The following GPR89A variants were observed in gnomAD, a reference collection of about 807,000 sequenced individuals.
GPR89A encodes G protein-coupled receptor 89A.
GPR89A carries 16 observed loss-of-function variants against 52.0 expected under a neutral mutation model. That is an observed-to-expected ratio of 0.31 (90% CI 0.21 to 0.47). The LOEUF is 0.47. Ranked by LOEUF, GPR89A falls within the 20% of genes least tolerant of loss-of-function variation. The probability of loss-of-function intolerance (pLI) is 1.00; values close to 1 mark genes in which losing one functional copy is unlikely to be tolerated. For missense variants in GPR89A, 135 were observed against 449.4 expected (o/e 0.30, Z 6.33); for synonymous variants, 55 against 150.9 (o/e 0.36, Z 4.66).
chr1:145,610,445 G>C (rs587735163), intron 1 of GPR89A, among the ~76,000 whole-genome samples: 64 of 152,088 alleles, frequency 4.2e-4, no homozygotes, highest in African/African-American at 1.1e-3. Flanking sequence ...CTAACCTGGC[G>C]ATGCTATGGT....
At chr1:145,645,595 C>T (rs1341970797) in intron 8 of GPR89A, 1 of 453,788 alleles carries the variant, frequency 2.2e-6, no homozygotes, top group Non-Finnish European at 4.4e-6. Flanking sequence ...TTTGACTTTG[C>T]ATCTCTATCA....
rs150040960 is a variant in GPR89A at position 145,638,536 on chromosome 1, A to G, written c.618-5333A>G. Reference sequence around the variant, plus strand: ...AAAAATAGTAAATATTTTTTTAAAAAAATATTGAAGAAAACTCAACAAAAG... The same window carrying G: ...AAAAATAGTAAATATTTTTTTAAAAGAATATTGAAGAAAACTCAACAAAAG... On this transcript the variant is annotated intron_variant, in intron 7 of 13. Transcript: ENST00000313835. Among the ~76,000 whole-genome samples, 529 of 146,990 alleles carry G rather than the reference A, an allele frequency of 3.6e-3. 46 individuals carry two copies. The highest frequency in any genetic ancestry group is 0.014 in the African/African-American group (510 of 37,232).
chr1:145,614,051 G>A (rs1648492131), intron 1 of GPR89A, among the ~76,000 whole-genome samples: 1 of 152,154 alleles, frequency 6.6e-6, no homozygotes, highest in African/African-American at 2.4e-5. Flanking sequence ...TGGGATTACA[G>A]ACGTGAGCCA....
chr1:145,661,643 A>AT (rs1318218471), intron 10 of GPR89A, among the ~76,000 whole-genome samples: 4 of 143,434 alleles, frequency 2.8e-5, no homozygotes, highest in African/African-American at 1.0e-4. Flanking sequence ...GTTTTCTCTC[A>AT]TTTTTTGCTA....
intron 7 of GPR89A, among the ~76,000 whole-genome samples, chr1:145,642,643 T>C (rs1650729633): frequency 6.6e-6 from 1 of 152,176 alleles, no homozygotes; most frequent in South Asian, 2.1e-4. Flanking sequence ...TTTGTATTAG[T>C]CCCAGGCATA....
chr1:145,647,479 GA>G, intron 10 of GPR89A, among the ~76,000 whole-genome samples: 1 of 152,094 alleles, frequency 6.6e-6, no homozygotes, highest in African/African-American at 2.4e-5. Context: ...TCTTCTGTCA[GA>G]AATTGTTAAT....
intron 5 of GPR89A, among the ~76,000 whole-genome samples, chr1:145,629,472 A>G (rs2929829): frequency 1.3e-4 from 20 of 151,356 alleles, no homozygotes; most frequent in Admixed American, 5.3e-4. Flanking sequence ...ACTGCCGAAG[A>G]CAATGGAGAG....
intron 1 of GPR89A, among the ~76,000 whole-genome samples, chr1:145,610,152 A>T (rs1182335909): frequency 7.9e-5 from 12 of 151,968 alleles, no homozygotes; most frequent in African/African-American, 2.7e-4. Context: ...TTTGTTTAAT[A>T]AAAAGCACCT....
At chr1:145,659,427 C>T (rs71263086) in intron 10 of GPR89A, among the ~76,000 whole-genome samples, 32 of 152,146 alleles carry the variant, frequency 2.1e-4, no homozygotes, top group Non-Finnish European at 3.8e-4. Flanking sequence ...CCTTGTGATC[C>T]ACCCGCCTCA....
chr1:145,615,002 A>G (rs1648567407), intron 1 of GPR89A, among the ~76,000 whole-genome samples: 1 of 152,224 alleles, frequency 6.6e-6, no homozygotes, highest in Non-Finnish European at 1.5e-5. Flanking sequence ...AGAAAGACAT[A>G]AAATCATTTT....
At chr1:145,660,519 A>T (rs1201900267) in intron 10 of GPR89A, among the ~76,000 whole-genome samples, 1 of 151,644 alleles carries the variant, frequency 6.6e-6, no homozygotes, top group South Asian at 2.1e-4. Context: ...TGAACAGGCA[A>T]CCTACAGAAT....
chr1:145,637,594 A>G (rs1650337439), intron 7 of GPR89A, among the ~76,000 whole-genome samples: 2 of 150,444 alleles, frequency 1.3e-5, no homozygotes, highest in Non-Finnish European at 3.0e-5. Context: ...TAAAGAAACA[A>G]GACGATGTGA....
intron 7 of GPR89A, among the ~76,000 whole-genome samples, chr1:145,635,637 A>G (rs1262821053): frequency 2.0e-5 from 3 of 152,204 alleles, no homozygotes; most frequent in Non-Finnish European, 4.4e-5. Context: ...TCCCAAGGCT[A>G]TTCTCTTTCT....
chr1:145,668,141 A>T (rs1433485434), intron 12 of GPR89A, among the ~76,000 whole-genome samples: 1 of 152,120 alleles, frequency 6.6e-6, no homozygotes, highest in African/African-American at 2.4e-5. Context: ...GATGGCATTG[A>T]ATCTATAAAT....
intron 11 of GPR89A, 110 bp from the exon 12 acceptor site, chr1:145,665,452 G>A (rs587658198): frequency 6.9e-7 from 1 of 1,439,094 alleles, no homozygotes; most frequent in African/African-American, 1.4e-5. Flanking sequence ...AATCAGGTAG[G>A]GTCTAATAAA....
intron 7 of GPR89A, among the ~76,000 whole-genome samples, chr1:145,632,889 C>T (rs1649979461): frequency 1.3e-5 from 2 of 152,150 alleles, no homozygotes; most frequent in South Asian, 4.1e-4. Context: ...TTCCTTTTCT[C>T]AGCATCCACA....
chr1:145,656,563 G>C (rs1553694572), intron 10 of GPR89A, among the ~76,000 whole-genome samples: 2 of 152,120 alleles, frequency 1.3e-5, no homozygotes, highest in African/African-American at 4.8e-5. Context: ...TTTCATTCTT[G>C]ATAGGAGCAG....
intron 10 of GPR89A, among the ~76,000 whole-genome samples, chr1:145,658,901 C>G (rs1237125755): frequency 6.6e-6 from 1 of 151,982 alleles, no homozygotes; most frequent in Non-Finnish European, 1.5e-5. Context: ...CCTCAGCCGC[C>G]TGAGTAGCTG....
rs587681664 is a variant in GPR89A at position 145,617,313 on chromosome 1, A to G, written c.103-1007A>G. Reference sequence around the variant, plus strand: ...CCAACCCCGCAAGCAGTCAGACCTTATGGTTATCTTTCCGTGTTCCCTGAA... The same window carrying G: ...CCAACCCCGCAAGCAGTCAGACCTTGTGGTTATCTTTCCGTGTTCCCTGAA... On this transcript the variant is annotated intron_variant, in intron 2 of 13. Coordinates refer to ENST00000313835, the MANE Select transcript of GPR89A (RefSeq NM_001097612.2). Among the ~76,000 whole-genome samples the G allele has an allele frequency of 1.6e-3, 249 of 152,294 alleles. 1 individual carries two copies. The highest frequency in any genetic ancestry group is 2.9e-3 in the Admixed American group (45 of 15,308).
Sources: gnomAD v4.1 joint callset for allele counts (sites outside exome capture counted in the v4.1 genomes callset) on GRCh38, gnomAD v4.1.1 for gene constraint, MANE v1.5 for transcripts, NCBI Gene and HGNC (gene_info 2026-07-23, HGNC 2026-07-21) for gene names.